STAG1: variants seen among roughly 807,000 people sequenced by gnomAD.
STAG1 encodes the protein STAG1 cohesin complex component.
In STAG1, 26 loss-of-function variants were observed where a neutral mutation model predicts 170.9. That is an observed-to-expected ratio of 0.15 (90% CI 0.11 to 0.21). The LOEUF (loss-of-function observed/expected upper bound fraction) is 0.21. Among genes scored for constraint, STAG1 ranks in the 10% least tolerant of loss-of-function variants. The pLI is 1.00. For synonymous variants in STAG1, 514 were observed against 497.7 expected (o/e 1.03, Z -0.44); for missense variants, 964 against 1,509.5 (o/e 0.64, Z 5.99).
chr3:136,634,070 G>C (rs2107841024), intron 1 of STAG1, among the ~76,000 whole-genome samples: 1 of 149,596 alleles, frequency 6.7e-6, no homozygotes, highest in African/African-American at 2.4e-5. Flanking sequence ...GAACCCAGGA[G>C]GCGGAGGTTG....
chr3:136,721,328 T>A (rs558320271), intron 1 of STAG1: 1 of 152,224 alleles, frequency 6.6e-6, no homozygotes, highest in Non-Finnish European at 1.5e-5. Flanking sequence ...AATTTGGAAC[T>A]AAGTAAATCA....
intron 6 of STAG1, among the ~76,000 whole-genome samples, chr3:136,523,712 G>A (rs1269403186): frequency 6.6e-6 from 1 of 152,142 alleles, no homozygotes; most frequent in East Asian, 1.9e-4. Context: ...TTCTTCTAGA[G>A]TTTTTATGGT....
intron 4 of STAG1, among the ~76,000 whole-genome samples, chr3:136,578,564 A>C (rs1178519376): frequency 1.3e-5 from 2 of 152,222 alleles, no homozygotes; most frequent in African/African-American, 4.8e-5. Context: ...TACATACAAT[A>C]AATCTTTTAA....
intron 1 of STAG1, among the ~76,000 whole-genome samples, chr3:136,728,116 G>T (rs995177396): frequency 6.6e-6 from 1 of 151,790 alleles, no homozygotes; most frequent in Non-Finnish European, 1.5e-5. Flanking sequence ...CCGAGGTTGC[G>T]CCATGCACTC....
chr3:136,508,301 C>T (rs2107878616), intron 7 of STAG1, among the ~76,000 whole-genome samples: 1 of 152,170 alleles, frequency 6.6e-6, no homozygotes, highest in Non-Finnish European at 1.5e-5. Flanking sequence ...GGAGATTACC[C>T]TCAATAATGT....
intron 18 of STAG1, 69 bp from the exon 19 acceptor site, chr3:136,422,682 T>A: frequency 1.3e-6 from 2 of 1,541,200 alleles, no homozygotes; most frequent in Non-Finnish European, 8.8e-7. Flanking sequence ...TTAGCATCTG[T>A]CAAATAACAA....
chr3:136,601,146 C>T (rs1415615107), intron 4 of STAG1, among the ~76,000 whole-genome samples: 5 of 152,078 alleles, frequency 3.3e-5, no homozygotes, highest in African/African-American at 1.2e-4. Flanking sequence ...CAGGCATGAG[C>T]CACCACACCC....
intron 1 of STAG1, among the ~76,000 whole-genome samples, chr3:136,739,616 T>G (rs757384393): frequency 6.0e-5 from 9 of 150,784 alleles, no homozygotes; most frequent in Non-Finnish European, 8.8e-5. Flanking sequence ...GGTCAGGAGT[T>G]CGAGACCAGC....
chr3:136,631,728 A>G (rs895040299), intron 1 of STAG1, among the ~76,000 whole-genome samples: 61 of 152,198 alleles, frequency 4.0e-4, no homozygotes, highest in Non-Finnish European at 1.2e-4. Flanking sequence ...TAAAAAACAT[A>G]AAGTCTCATA....
chr3:136,511,794 T>C (rs908919350), intron 7 of STAG1, among the ~76,000 whole-genome samples: 3 of 151,974 alleles, frequency 2.0e-5, no homozygotes, highest in African/African-American at 7.2e-5. Context: ...CCCCTGAACG[T>C]CAAATAAAAG....
At chr3:136,736,199 T>C (rs1934322991) in intron 1 of STAG1, among the ~76,000 whole-genome samples, 1 of 152,138 alleles carries the variant, frequency 6.6e-6, no homozygotes, top group Non-Finnish European at 1.5e-5. Context: ...CACAATTCAG[T>C]GAAGTACAAA....
chr3:136,581,062 C>T (rs529283634), intron 4 of STAG1, among the ~76,000 whole-genome samples: 1 of 151,432 alleles, frequency 6.6e-6, no homozygotes, highest in African/African-American at 2.4e-5. Context: ...TTATGTTGTC[C>T]AAGCTAGTGA....
chr3:136,393,582 C>T (rs142883506), intron 22 of STAG1, among the ~76,000 whole-genome samples: 8 of 150,750 alleles, frequency 5.3e-5, no homozygotes, highest in Admixed American at 6.6e-5. Context: ...TCCCTTCCTA[C>T]GCTTCATCTT....
At chr3:136,500,396 G>A (rs1933401193) in intron 8 of STAG1, 100 bp from the exon 9 acceptor site, 3 of 786,948 alleles carry the variant, frequency 3.8e-6, no homozygotes, top group Non-Finnish European at 6.1e-6. Flanking sequence ...ATTCTGGGTA[G>A]TTTTCAATCC....
At chr3:136,699,552 T>A (rs1209938101) in intron 1 of STAG1, among the ~76,000 whole-genome samples, 2 of 138,766 alleles carry the variant, frequency 1.4e-5, no homozygotes, top group African/African-American at 2.8e-5. Context: ...GTCTAATTTA[T>A]TTTTTTTTTT....
At chr3:136,367,215 C>T (rs1292072916) in intron 24 of STAG1, 133 bp from the exon 25 acceptor site, 3 of 701,816 alleles carry the variant, frequency 4.3e-6, no homozygotes, top group Admixed American at 4.9e-5. Context: ...TTAGATGGGA[C>T]AAAAACTGTT....
At chr3:136,465,673 A>AAT (rs2089435498) in intron 12 of STAG1, among the ~76,000 whole-genome samples, 1 of 151,832 alleles carries the variant, frequency 6.6e-6, no homozygotes, top group Non-Finnish European at 1.5e-5. Context: ...AAAGTATTAG[A>AAT]ATGCATTCTA....
At chr3:136,653,004 G>C (rs1331541745) in intron 1 of STAG1, among the ~76,000 whole-genome samples, 1 of 152,172 alleles carries the variant, frequency 6.6e-6, no homozygotes, top group Non-Finnish European at 1.5e-5. Context: ...GCCGGGCACA[G>C]TGGTTCACGC....
intron 28 of STAG1, among the ~76,000 whole-genome samples, chr3:136,350,136 A>G (rs112839764): frequency 1.2e-3 from 177 of 151,954 alleles, no homozygotes; most frequent in African/African-American, 2.5e-3. Flanking sequence ...TGGAGACTCC[A>G]TTCAAAAAAA....
Sources: gnomAD v4.1 joint callset for allele counts (sites outside exome capture counted in the v4.1 genomes callset) on GRCh38, gnomAD v4.1.1 for gene constraint, MANE v1.5 for transcripts, NCBI Gene and HGNC (gene_info 2026-07-23, HGNC 2026-07-21) for gene names.